The following FBXL4 variants were observed in gnomAD, a reference collection of about 807,000 sequenced individuals.
FBXL4 encodes F-box and leucine rich repeat protein 4, also known as F-box/LRR-repeat protein 4.
A neutral mutation model predicts 58.9 loss-of-function variants in FBXL4; 40 were observed. That is an observed-to-expected ratio of 0.68 (90% CI 0.53 to 0.88). FBXL4 has a LOEUF of 0.88. Among genes scored for constraint, FBXL4 ranks in the 40% least tolerant of loss-of-function variants. The probability of loss-of-function intolerance (pLI) is 0.00; values close to 1 mark genes in which losing one functional copy is unlikely to be tolerated. For synonymous variants in FBXL4, 263 were observed against 265.5 expected, an observed-to-expected ratio of 0.99 and a Z score of 0.09; for missense variants, 676 against 734.4, an observed-to-expected ratio of 0.92 and a Z score of 0.92.
chr6:98,891,887 A>T (rs1326488680), intron 7 of FBXL4, among the ~76,000 whole-genome samples: 1 of 152,108 alleles, frequency 6.6e-6, no homozygotes, highest in Non-Finnish European at 1.5e-5. Flanking sequence ...CACCTGGCTT[A>T]TTGGTCACTG....
intron 8 of FBXL4, among the ~76,000 whole-genome samples, chr6:98,877,110 T>C (rs888366719): frequency 3.3e-5 from 5 of 152,032 alleles, no homozygotes; most frequent in African/African-American, 4.8e-5. Flanking sequence ...ATCCGACAGA[T>C]TTGGGGCTGC....
intron 1 of FBXL4, among the ~76,000 whole-genome samples, chr6:98,939,739 C>A (rs1237023953): frequency 6.6e-6 from 1 of 152,232 alleles, no homozygotes; most frequent in Non-Finnish European, 1.5e-5. Flanking sequence ...TTACCAGTGG[C>A]ACTTTCTAAG....
In FBXL4 at chr6:98,871,446, T is replaced by C. The variant is rs1176674917; in HGVS notation, c.*2832A>G. The C allele has an allele frequency of 6.6e-6, 1 of 152,244 alleles. No individual in the cohort carries two copies. The highest frequency in any genetic ancestry group is 1.5e-5 in the Non-Finnish European group (1 of 68,046). The allele number at this position is 152,244 out of a possible 1,614,324, so 9.4% of individuals were successfully genotyped here. On this transcript the variant is annotated 3_prime_UTR_variant, in exon 10 of 10. Coordinates refer to ENST00000369244, the MANE Select transcript of FBXL4 (RefSeq NM_001278716.2). ...GACTGAAATTAGTCTCTATGAATTA[T>C]CTGTGTGGCACAATTACAAGCATGA...
At chr6:98,939,075 CAAAAAAAAAAA>C (rs3068704) in intron 1 of FBXL4, among the ~76,000 whole-genome samples, 121 of 25,264 alleles carry the variant, frequency 4.8e-3, no homozygotes, top group Middle Eastern at 0.036. Context: ...GACCTTGTCT[CAAAAAAAAAAA>C]AAAAAAAAAA....
intron 4 of FBXL4, among the ~76,000 whole-genome samples, chr6:98,925,543 T>C (rs1772746281): frequency 1.3e-5 from 2 of 152,218 alleles, no homozygotes; most frequent in African/African-American, 4.8e-5. Context: ...CCTGCATTAA[T>C]GTTTATAAGA....
intron 7 of FBXL4, chr6:98,896,958 T>G: frequency 2.0e-6 from 2 of 985,304 alleles, no homozygotes; most frequent in Non-Finnish European, 2.4e-6. Flanking sequence ...CTAATAATTC[T>G]CTGACACTTA....
chr6:98,916,339 A>T (rs1316100443), intron 5 of FBXL4, among the ~76,000 whole-genome samples: 1 of 152,206 alleles, frequency 6.6e-6, no homozygotes, highest in Non-Finnish European at 1.5e-5. Flanking sequence ...AGGACAATAA[A>T]TCATGCTGCT....
chr6:98,928,152 G>A (rs1772862920), intron 2 of FBXL4, among the ~76,000 whole-genome samples: 1 of 152,114 alleles, frequency 6.6e-6, no homozygotes, highest in African/African-American at 2.4e-5. Context: ...CAAGAGGCAT[G>A]AGCTCTCTCA....
intron 7 of FBXL4, among the ~76,000 whole-genome samples, chr6:98,886,505 A>G (rs1363077439): frequency 1.3e-5 from 2 of 152,168 alleles, no homozygotes; most frequent in Non-Finnish European, 2.9e-5. Context: ...TTTCACAACT[A>G]TGTGTTCTTG....
chr6:98,941,747 G>C (rs759759872), intron 1 of FBXL4, among the ~76,000 whole-genome samples: 2 of 152,136 alleles, frequency 1.3e-5, no homozygotes, highest in Non-Finnish European at 2.9e-5. Context: ...GGTCAACATA[G>C]ATCTGCATTT....
intron 1 of FBXL4, among the ~76,000 whole-genome samples, chr6:98,942,572 C>A (rs1773472969): frequency 6.6e-6 from 1 of 152,120 alleles, no homozygotes; most frequent in East Asian, 1.9e-4. Context: ...ATGTAAGACC[C>A]TTGCTCCTGC....
rs1439165870 is a variant in FBXL4, at chr6:98,868,583, A to G, written c.*5695T>C. The stretch of plus-strand genomic sequence containing the variant: ...TATTACTCTAAAGTACAGAATACAA[A>G]CAACAGAAATCATTAGATATTGAAC... On this transcript the variant is annotated 3_prime_UTR_variant, in exon 10 of 10. Coordinates refer to ENST00000369244, the MANE Select transcript of FBXL4 (RefSeq NM_001278716.2). The G allele has an allele frequency of 6.6e-6, 1 of 152,152 alleles. No individual in the cohort carries two copies. The highest frequency in any genetic ancestry group is 1.5e-5 in the Non-Finnish European group (1 of 68,030). The allele number at this position is 152,152 out of a possible 1,614,324, so 9.4% of individuals were successfully genotyped here. A position where few individuals can be genotyped will look rare whatever the true frequency, so the allele number is the denominator to read the frequency against.
chr6:98,943,409 C>CA (rs1328089428), intron 1 of FBXL4, among the ~76,000 whole-genome samples: 1 of 151,488 alleles, frequency 6.6e-6, no homozygotes, highest in Non-Finnish European at 1.5e-5. Context: ...CCCATCTCTA[C>CA]AAAAAACACA....
chr6:98,908,291 T>C (rs1052408236), intron 5 of FBXL4, among the ~76,000 whole-genome samples: 5 of 152,220 alleles, frequency 3.3e-5, no homozygotes, highest in Admixed American at 1.3e-4. Context: ...AAAAGAATGA[T>C]ACTATATACA....
In FBXL4 at chr6:98,905,583, C is replaced by G; in HGVS notation, c.946G>C (p.Asp316His). The change falls in exon 6 of 10, where the codon GAT (aspartate) becomes CAT (histidine). Residue 316 changes from aspartate to histidine, a missense_variant. Coordinates refer to ENST00000369244, the MANE Select transcript of FBXL4 (RefSeq NM_001278716.2). ...TCKLLSQHCC[D>H]PLQYIHLNLQ... ...TTGAGGTGGATGTATTGCAGAGGAT[C>G]ACAGCAATGCTGGCTCAGTAGTTTG... 1.2e-6 allele frequency: 2 copies of G among 1,613,944 alleles called. No homozygotes were observed. The highest frequency in any genetic ancestry group is 1.7e-6 in the Non-Finnish European group (2 of 1,179,944).
intron 6 of FBXL4, among the ~76,000 whole-genome samples, chr6:98,901,331 T>C (rs185752302): frequency 6.6e-6 from 1 of 151,840 alleles, no homozygotes; most frequent in Non-Finnish European, 1.5e-5. Context: ...CAGGGCAGGA[T>C]AACAAGCAGA....
chr6:98,912,441 C>G (rs1582414682), intron 5 of FBXL4, among the ~76,000 whole-genome samples: 1 of 152,100 alleles, frequency 6.6e-6, no homozygotes, highest in Admixed American at 6.5e-5. Context: ...GTCGGGTTAC[C>G]CACCAAGGGA....
chr6:98,917,315 TA>T, intron 5 of FBXL4, 58 bp downstream of exon 5: 1 of 1,159,496 alleles, frequency 8.6e-7, no homozygotes, highest in Non-Finnish European at 1.2e-6. Context: ...CATTAATATC[TA>T]AAGATTAAAA....
chr6:98,898,481 T>C (rs1350830584), intron 7 of FBXL4: 7 of 954,350 alleles, frequency 7.3e-6, no homozygotes, highest in Admixed American at 6.2e-5. Flanking sequence ...GGCACGTGCC[T>C]GTAATCCCAG....
Sources: allele counts gnomAD v4.1 joint callset (sites outside exome capture counted in the v4.1 genomes callset), GRCh38; gene constraint gnomAD v4.1.1; transcripts MANE v1.5; gene names NCBI Gene and HGNC (gene_info 2026-07-23, HGNC 2026-07-21).